SLC25A27: variants seen among roughly 807,000 people sequenced by gnomAD.
SLC25A27 encodes the protein mitochondrial uncoupling protein 4.
Under a neutral mutation model 49.1 loss-of-function variants are expected in SLC25A27, and 35 were observed. The observed-to-expected ratio is 0.71, with a 90% confidence interval of 0.54 to 0.95. SLC25A27 has a LOEUF of 0.95. Among genes scored for constraint, SLC25A27 ranks in the 40% least tolerant of loss-of-function variants. SLC25A27 has a pLI of 0.00. For missense variants in SLC25A27, 339 were observed against 397.1 expected, an observed-to-expected ratio of 0.85 and a Z score of 1.24; for synonymous variants, 144 against 136.9, an observed-to-expected ratio of 1.05 and a Z score of -0.36.
At chr6:46,673,459 T>C (rs1342623683) in intron 8 of SLC25A27, among the ~76,000 whole-genome samples, 1 of 152,128 alleles carries the variant, frequency 6.6e-6, no homozygotes, top group Non-Finnish European at 1.5e-5. Flanking sequence ...CAGTACTCTG[T>C]GGGAACACAG....
chr6:46,660,232 G>GTGTGTGTGTGTGTT (rs1763121946), intron 3 of SLC25A27, among the ~76,000 whole-genome samples: 1 of 150,812 alleles, frequency 6.6e-6, no homozygotes, highest in Non-Finnish European at 1.5e-5. Context: ...CTCTGTGTCT[G>GTGTGTGTGTGTGTT]TGTGTGTGTG....
At chr6:46,653,763 G>T (rs897650705) in intron 1 of SLC25A27, 77 of 984,782 alleles carry the variant, frequency 7.8e-5, no homozygotes, top group Non-Finnish European at 9.2e-5. Context: ...ACAGAGCATC[G>T]ACTACTTGAC....
chr6:46,653,390 C>T (rs919921235), intron 1 of SLC25A27, 92 bp downstream of exon 1: 7 of 1,466,230 alleles, frequency 4.8e-6, no homozygotes, highest in Non-Finnish European at 6.3e-6. Context: ...CGGCAGTGCG[C>T]ATCGGAGAGG....
At position 46,676,447 on chromosome 6, in the gene SLC25A27, C is replaced by T. The variant is rs1376202718; in HGVS notation, c.965C>T (p.Pro322Leu). 7.4e-6 allele frequency: 12 copies of T among 1,613,922 alleles called. No homozygotes were observed. The highest frequency in any genetic ancestry group is 1.0e-5 in the Non-Finnish European group (12 of 1,179,842). ...ATCAGAGAGATGAGTGGAGTCAGTC[C>T]ATTTTAAACCCCTAAAGATGCAACC... ...EKIREMSGVS[P>L]F Residue 322 changes from proline to leucine, a missense_variant, in exon 9 of 9, where the codon CCA becomes CTA. Transcript: ENST00000371347.
Position 46,658,950 on chromosome 6 carries a change from T to C in SLC25A27, c.299-12T>C, listed in dbSNP as rs773501704. On this transcript the variant is annotated splice_polypyrimidine_tract_variant and intron_variant, in intron 2 of 8. Transcript: ENST00000371347. ...AGCCAAAGTTACCTTTTTAATGATC[T>C]TTTTTACCCAGTGTATTCTGGAGGT... 4 of 1,600,684 alleles carry C rather than the reference T, an allele frequency of 2.5e-6. No individual in the cohort carries two copies. The highest frequency in any genetic ancestry group is 2.7e-5 in the African/African-American group (2 of 74,676).
chr6:46,664,088 G>A (rs1358794610), intron 4 of SLC25A27, among the ~76,000 whole-genome samples: 1 of 152,160 alleles, frequency 6.6e-6, no homozygotes, highest in African/African-American at 2.4e-5. Flanking sequence ...TGATGCCTGA[G>A]TAAAAGCCAC....
chr6:46,663,092 C>T (rs1763213226), intron 4 of SLC25A27, among the ~76,000 whole-genome samples: 2 of 152,258 alleles, frequency 1.3e-5, no homozygotes, highest in South Asian at 2.1e-4. Flanking sequence ...CCTCCCATTG[C>T]ATTACACTAT....
rs1582514536 is a variant in SLC25A27, at chr6:46,671,068, T to C, written c.798-58T>C. The C allele has an allele frequency of 2.6e-6, 3 of 1,151,968 alleles. No individual in the cohort carries two copies. The East Asian group carries it at 7.6e-5, about 29-fold the overall frequency. The allele number at this position is 1,151,968 out of a possible 1,614,324, so 71.4% of individuals were successfully genotyped here. A position where few individuals can be genotyped will look rare whatever the true frequency, so the allele number is the denominator to read the frequency against. ...TATAAGATTCCTTAGACAATTTTTA[T>C]GTACATATATATTTTTTTACACAGA... On this transcript the variant is annotated intron_variant, in intron 7 of 8. Transcript: ENST00000371347.
chr6:46,660,480 G>A (rs1174528855), intron 3 of SLC25A27, among the ~76,000 whole-genome samples: 1 of 152,150 alleles, frequency 6.6e-6, no homozygotes, highest in Non-Finnish European at 1.5e-5. Flanking sequence ...ACCCCTTTGT[G>A]ATTATAATCA....
intron 2 of SLC25A27, 91 bp from the exon 3 acceptor site, chr6:46,658,871 G>A (rs1199520154): frequency 2.2e-6 from 2 of 897,978 alleles, no homozygotes; most frequent in Admixed American, 1.7e-5. Flanking sequence ...GATTGACTAG[G>A]CCATGTCGGA....
chr6:46,676,757 G>C lies in SLC25A27; in HGVS notation c.*303G>C. On this transcript the variant is annotated 3_prime_UTR_variant, in exon 9 of 9. Transcript: ENST00000371347. ...TTGGGCAAGAAGGTTTGGCCTTTGA[G>C]TTGCTATTCTATGCTGAAGAGCCTG... 7.2e-7 allele frequency: 1 copy of C among 1,392,826 alleles called. No homozygotes were observed. The highest frequency in any genetic ancestry group is 1.0e-6 in the Non-Finnish European group (1 of 1,003,554). 86.3% of individuals were successfully genotyped at this position (1,392,826 alleles called of 1,614,324 possible).
intron 2 of SLC25A27, chr6:46,658,550 G>T (rs1199771586): frequency 2.3e-6 from 1 of 437,726 alleles, no homozygotes; most frequent in South Asian, 1.7e-5. Flanking sequence ...GGCATCTGGG[G>T]TAAGTAAAAA....
intron 6 of SLC25A27, 84 bp from the exon 7 acceptor site, chr6:46,670,051 T>C: frequency 1.3e-6 from 1 of 753,226 alleles, no homozygotes; most frequent in African/African-American, 1.8e-5. Context: ...TTTAGTATTA[T>C]ATTCTTTCTG....
At chr6:46,657,858 G>C (rs1398703279) in intron 2 of SLC25A27, among the ~76,000 whole-genome samples, 5 of 152,208 alleles carry the variant, frequency 3.3e-5, no homozygotes, top group African/African-American at 1.2e-4. Context: ...TTTTGCCCCA[G>C]TTCCAAGGCT....
At chr6:46,654,250 T>C (rs1460111515) in intron 1 of SLC25A27, 1 of 380,044 alleles carries the variant, frequency 2.6e-6, no homozygotes, top group Non-Finnish European at 3.6e-6. Flanking sequence ...TGATGCGTTA[T>C]CATTTGTAAA....
chr6:46,658,680 G>A (rs1051996152), intron 2 of SLC25A27: 2 of 431,058 alleles, frequency 4.6e-6, no homozygotes, highest in Non-Finnish European at 8.5e-6. Flanking sequence ...ACATGTTTTT[G>A]AGTTGAGTCC....
rs1582488406 is a variant in SLC25A27 at position 46,653,001 on chromosome 6, G to A, written c.-192G>A. The A allele has an allele frequency of 5.0e-6, 3 of 602,896 alleles. No homozygotes were observed. The East Asian group carries it at 8.4e-5, about 17-fold the overall frequency. 37.3% of individuals were successfully genotyped at this position (602,896 alleles called of 1,614,324 possible). On this transcript the variant is annotated 5_prime_UTR_variant, in exon 1 of 9. Transcript: ENST00000371347. ...TGTTTTTCTATTCTGGGGTGTAAGG[G>A]GCAGCTGGACCACTCCAGCTGGGAC...
Position 46,671,178 on chromosome 6 carries a change from G to A in SLC25A27, c.850G>A (p.Glu284Lys). 6.2e-7 allele frequency: 1 copy of A among 1,603,232 alleles called. No homozygotes were observed. Among genetic ancestry groups the A allele is most frequent in the Non-Finnish European group, 8.5e-7 (1 of 1,175,754 alleles). Reference protein sequence around the residue: ...TDCLIQAVQGEGFMSLYKGFL... With the variant: ...TDCLIQAVQGKGFMSLYKGFL... The stretch of plus-strand genomic sequence containing the variant: ...CTGCTTGATTCAGGCTGTTCAAGGT[G>A]AAGGATTCATGAGTCTATATAAAGG... Residue 284 changes from glutamate (E) to lysine (K), a missense_variant, in exon 8 of 9, where the codon GAA becomes AAA. Coordinates refer to ENST00000371347, the MANE Select transcript of SLC25A27 (RefSeq NM_004277.5).
At chr6:46,667,040 A>G (rs1022937291) in intron 5 of SLC25A27, among the ~76,000 whole-genome samples, 2 of 152,078 alleles carry the variant, frequency 1.3e-5, no homozygotes, top group Non-Finnish European at 2.9e-5. Context: ...TAGTCTTTCC[A>G]TATCTACCCC....
Sources: allele counts gnomAD v4.1 joint callset (sites outside exome capture counted in the v4.1 genomes callset), GRCh38; gene constraint gnomAD v4.1.1; transcripts MANE v1.5; gene names NCBI Gene and HGNC (gene_info 2026-07-23, HGNC 2026-07-21).